Variants in SHPRH observed in about 807,000 individuals in gnomAD.
SHPRH encodes the protein SNF2 histone linker PHD RING helicase.
In SHPRH, 106 loss-of-function variants were observed where a neutral mutation model predicts 202.5. The observed-to-expected ratio is 0.52, with a 90% CI of 0.45 to 0.62. The LOEUF is 0.62. Ranked by LOEUF, SHPRH falls within the 20% of genes least tolerant of loss-of-function variation. The pLI is 0.00. For synonymous variants in SHPRH, 729 were observed against 686.0 expected (o/e 1.06, Z -0.98); for missense variants, 1,710 against 2,020.0 (o/e 0.85, Z 2.94).
intron 11 of SHPRH, 23 bp from the exon 12 acceptor site, chr6:145,935,464 A>C (rs756043134): frequency 1.1e-5 from 18 of 1,610,436 alleles, no homozygotes. Context: ...AATAAAATAC[A>C]TTGAGGATAA....
At chr6:145,932,595 TATC>T (rs1785588959) in intron 14 of SHPRH, among the ~76,000 whole-genome samples, 1 of 152,216 alleles carries the variant, frequency 6.6e-6, no homozygotes, top group African/African-American at 2.4e-5. Flanking sequence ...TTATTTACCA[TATC>T]ATCGTTACCT....
intron 2 of SHPRH, among the ~76,000 whole-genome samples, chr6:145,864,943 TCACACACACACA>T (rs71552940): frequency 9.7e-6 from 1 of 102,702 alleles, no homozygotes; most frequent in African/African-American, 3.2e-5. Context: ...ACACACACAC[TCACACACACACA>T]CACACACACA....
At chr6:145,913,178 C>T (rs192140496) in intron 24 of SHPRH, among the ~76,000 whole-genome samples, 106 of 152,160 alleles carry the variant, frequency 7.0e-4, no homozygotes, top group Admixed American at 1.4e-3. Context: ...GTTAACCTGA[C>T]GAAGTCAAAT....
Position 145,948,285 on chromosome 6 carries a change from G to C in SHPRH, c.1048C>G (p.Pro350Ala), listed in dbSNP as rs763923258. The change falls in exon 5 of 30, where the codon CCA becomes GCA. Residue 350 changes from proline to alanine, a missense_variant. Pro to Ala is a conservative substitution (Grantham distance 27, BLOSUM62 -1). Transcript: ENST00000275233. ...TSEGLKLYYN[P>A]YTGCIIREYP... Reference sequence around the variant, plus strand: ...ATTTTGCCTTACCAGCCTGTATATGGATTATAGTAGAGTTTCAGACCCTCA... The same window carrying C: ...ATTTTGCCTTACCAGCCTGTATATGCATTATAGTAGAGTTTCAGACCCTCA... 6.3e-7 allele frequency: 1 copy of C among 1,595,598 alleles called. No individual in the cohort carries two copies. Among genetic ancestry groups the C allele is most frequent in the Non-Finnish European group, 8.5e-7 (1 of 1,170,660 alleles).
intron 2 of SHPRH, among the ~76,000 whole-genome samples, chr6:145,953,657 T>A (rs1562372647): frequency 6.6e-6 from 1 of 152,172 alleles, no homozygotes; most frequent in South Asian, 2.1e-4. Context: ...ATTAACATTT[T>A]AAATTTTCAG....
At position 145,940,686 on chromosome 6, in the gene SHPRH, T is replaced by C. The variant is rs771255166; in HGVS notation, c.2569+37A>G. ...TTTTCTCTCTAAAAAATGAAGCTTT[T>C]CAAATGCATGCAATATGTGAGGAAA... is the stretch of plus-strand genomic sequence containing the variant. On this transcript the variant is annotated intron_variant, in intron 11 of 29. Coordinates refer to ENST00000275233, the MANE Select transcript of SHPRH (RefSeq NM_001042683.3). 1.1e-5 allele frequency: 17 copies of C among 1,601,750 alleles called. No homozygotes were observed. The East Asian group carries it at 3.8e-4, about 36-fold the overall frequency.
intron 11 of SHPRH, among the ~76,000 whole-genome samples, chr6:145,936,448 T>A (rs925380156): frequency 6.6e-6 from 1 of 152,056 alleles, no homozygotes; most frequent in African/African-American, 2.4e-5. Context: ...TACCTCAGCC[T>A]CCCAAGTAGC....
intron 25 of SHPRH, chr6:145,909,877 G>A (rs1194698114): frequency 6.6e-6 from 1 of 152,010 alleles, no homozygotes; most frequent in Non-Finnish European, 1.5e-5. Flanking sequence ...GATCCAGTCT[G>A]GATATCACAT....
downstream of SHPRH, among the ~76,000 whole-genome samples, chr6:145,881,182 A>G (rs1780550937): frequency 1.3e-5 from 2 of 152,246 alleles, no homozygotes; most frequent in Admixed American, 6.5e-5. Context: ...GTTTTTAAAT[A>G]AAAACAGGCT....
At chr6:145,962,813 C>T (rs1562385940) in intron 1 of SHPRH, among the ~76,000 whole-genome samples, 1 of 152,090 alleles carries the variant, frequency 6.6e-6, no homozygotes, top group Non-Finnish European at 1.5e-5. Flanking sequence ...TCTTAATGAC[C>T]CAGGGTTAAC....
chr6:145,951,262 C>A (rs1051415667), intron 3 of SHPRH, among the ~76,000 whole-genome samples: 1 of 151,998 alleles, frequency 6.6e-6, no homozygotes, highest in Non-Finnish European at 1.5e-5. Flanking sequence ...AAACATAATT[C>A]TTTCAAGGTG....
Position 145,943,543 on chromosome 6 carries a change from G to A in SHPRH, c.1838C>T (p.Ala613Val), listed in dbSNP as rs759062079. ...AGAGATACATGTACTTTTAGACATAGCAACATCAGTTATTCCAGAGTCGCT... is the reference window on the plus strand; with the variant it reads ...AGAGATACATGTACTTTTAGACATAACAACATCAGTTATTCCAGAGTCGCT... ...ATSDSGITDV[A>V]MSKSTCISEF... is the part of the protein sequence containing the mutation. The change falls in exon 9 of 30, where the codon GCT becomes GTT. Residue 613 changes from alanine (A) to valine (V), a missense_variant. Physicochemically the swap from Ala to Val is moderately conservative, Grantham distance 64. Coordinates refer to ENST00000275233, the MANE Select transcript of SHPRH (RefSeq NM_001042683.3). The A allele has an allele frequency of 6.2e-7, 1 of 1,614,004 alleles. No individual in the cohort carries two copies. Among genetic ancestry groups the A allele is most frequent in the East Asian group, 2.2e-5 (1 of 44,874 alleles).
At position 145,941,771 on chromosome 6, in the gene SHPRH, T is replaced by A; in HGVS notation, c.2342A>T (p.Tyr781Phe). ...TYDVLRSELNYVDIPHSNSED... is the reference protein window; with the variant it reads ...TYDVLRSELNFVDIPHSNSED... ...ACTATTGCTATGTGGGATATCGACA[T>A]AATTTAATTCTGAACGCAGTACATC... The change falls in exon 10 of 30, where the codon TAT becomes TTT. Residue 781 changes from tyrosine to phenylalanine, a missense_variant. Tyr to Phe is a conservative substitution (Grantham distance 22). This residue lies in a region of SHPRH where 277 missense variants were observed against 363.0 expected (regional missense o/e 0.76). Coordinates refer to ENST00000275233, the MANE Select transcript of SHPRH (RefSeq NM_001042683.3). The A allele has an allele frequency of 6.2e-7, 1 of 1,614,042 alleles. No individual in the cohort carries two copies. The highest frequency in any genetic ancestry group is 8.5e-7 in the Non-Finnish European group (1 of 1,179,992).
rs1417187001 is a variant in SHPRH at position 145,941,731 on chromosome 6, G to A, written c.2382C>T (p.Arg794=). The change falls in exon 10 of 30, where the codon CGC becomes CGT. Residue 794 remains arginine, a synonymous_variant. Coordinates refer to ENST00000275233, the MANE Select transcript of SHPRH (RefSeq NM_001042683.3). The part of the protein sequence containing the change: ...IPHSNSEDGR[R]LRNQKRYMAI... ...CCATATAGCGCTTCTGGTTCCGTAGGCGACGCCCATCCTCACTATTGCTAT... is the reference window on the plus strand; with the variant it reads ...CCATATAGCGCTTCTGGTTCCGTAGACGACGCCCATCCTCACTATTGCTAT... 2 of 1,613,870 alleles carry A rather than the reference G, an allele frequency of 1.2e-6. No individual in the cohort carries two copies. Among genetic ancestry groups the A allele is most frequent in the Non-Finnish European group, 1.7e-6 (2 of 1,179,960 alleles).
chr6:145,902,013 C>CT (rs1782546114), intron 25 of SHPRH, among the ~76,000 whole-genome samples: 1 of 152,080 alleles, frequency 6.6e-6, no homozygotes, highest in African/African-American at 2.4e-5. Context: ...GGATGGGAGA[C>CT]ATACAAAGTG....
intron 2 of SHPRH, among the ~76,000 whole-genome samples, chr6:145,873,103 T>C (rs1780129085): frequency 6.6e-6 from 1 of 152,148 alleles, no homozygotes; most frequent in Non-Finnish European, 1.5e-5. Flanking sequence ...TAGGATGATC[T>C]GTGTAGCAAA....
rs199848865 is a variant in SHPRH, at chr6:145,886,783, T to A, written c.4960A>T (p.Thr1654Ser). Residue 1654 changes from threonine (T) to serine (S), a missense_variant, in exon 30 of 30, where the codon ACG becomes TCG. By Grantham distance (58) the Thr-to-Ser change is moderately conservative. Transcript: ENST00000275233. ...TCTGAATGCTTTGCTGATGAGTTCG[T>A]GTGACTGCAAGGTTTCCCAAATGAG... is the stretch of plus-strand genomic sequence containing the variant. ...AMLKTAERSH[T>S]NSSAKHSEAS... 6.8e-5 allele frequency: 110 copies of A among 1,612,986 alleles called. 1 individual carries two copies. Among genetic ancestry groups the A allele is most frequent in the South Asian group, 4.3e-4 (39 of 90,834 alleles).
At chr6:145,944,025 G>A (rs1787092855) in intron 8 of SHPRH, among the ~76,000 whole-genome samples, 1 of 152,068 alleles carries the variant, frequency 6.6e-6, no homozygotes, top group Admixed American at 6.6e-5. Flanking sequence ...CAGATTTGGA[G>A]AGATGAAAAA....
At chr6:145,943,872 G>A (rs1787074968) in intron 8 of SHPRH, 70 bp from the exon 9 acceptor site, 2 of 1,347,204 alleles carry the variant, frequency 1.5e-6, no homozygotes, top group East Asian at 2.3e-5. Flanking sequence ...CTGACTTTAT[G>A]TAAGTACTTC....
Sources: allele counts gnomAD v4.1 joint callset (sites outside exome capture counted in the v4.1 genomes callset), GRCh38; gene constraint gnomAD v4.1.1; regional missense constraint gnomAD v4.1.1; transcripts MANE v1.5; gene names NCBI Gene and HGNC (gene_info 2026-07-23, HGNC 2026-07-21).